Variants in PIK3R1 observed in about 807,000 individuals in gnomAD.
PIK3R1 encodes the protein phosphatidylinositol 3-kinase regulatory subunit alpha.
In PIK3R1, 29 loss-of-function variants were observed where a neutral mutation model predicts 98.0. The observed-to-expected ratio is 0.30, with a 90% confidence interval of 0.22 to 0.40. The LOEUF is 0.40. PIK3R1 is among the 10% of genes least tolerant of loss of function. The pLI, the probability that PIK3R1 is intolerant of heterozygous loss-of-function variation, is 1.00. For synonymous variants in PIK3R1, 282 were observed against 311.8 expected (o/e 0.90, Z 1.01); for missense variants, 596 against 872.7 (o/e 0.68, Z 3.99).
chr5:68,277,864 C>T (rs1484745892), intron 4 of PIK3R1, among the ~76,000 whole-genome samples: 1 of 152,176 alleles, frequency 6.6e-6, no homozygotes, highest in African/African-American at 2.4e-5. Context: ...TCTAGCAGCA[C>T]TCCCTTCCAA....
chr5:68,259,925 CAGCTATATG>C (rs1239377814), intron 2 of PIK3R1, among the ~76,000 whole-genome samples: 7 of 152,176 alleles, frequency 4.6e-5, no homozygotes, highest in Non-Finnish European at 1.0e-4. Context: ...CTGACTAGTA[CAGCTATATG>C]AGCCTGGACA....
At chr5:68,223,162 C>T (rs1431318219) in intron 1 of PIK3R1, among the ~76,000 whole-genome samples, 2 of 150,716 alleles carry the variant, frequency 1.3e-5, no homozygotes, top group Admixed American at 6.6e-5. Flanking sequence ...TCATCATCAT[C>T]ATCATCACCC....
At chr5:68,220,389 A>G (rs1744052616) in intron 1 of PIK3R1, among the ~76,000 whole-genome samples, 1 of 152,142 alleles carries the variant, frequency 6.6e-6, no homozygotes, top group African/African-American at 2.4e-5. Flanking sequence ...GAGAACCGGA[A>G]TGGTCAGCCT....
At chr5:68,243,907 CTT>C (rs559241190) in intron 2 of PIK3R1, among the ~76,000 whole-genome samples, 7 of 152,228 alleles carry the variant, frequency 4.6e-5, no homozygotes, top group Non-Finnish European at 8.8e-5. Flanking sequence ...TCTCTTCACT[CTT>C]GTTTACTTCC....
intron 2 of PIK3R1, among the ~76,000 whole-genome samples, chr5:68,260,883 A>G (rs1274847716): frequency 6.6e-6 from 1 of 152,246 alleles, no homozygotes; most frequent in African/African-American, 2.4e-5. Flanking sequence ...ATCCACATAC[A>G]GAAGTCACAG....
intron 4 of PIK3R1, among the ~76,000 whole-genome samples, chr5:68,275,470 G>A (rs551170865): frequency 6.6e-6 from 1 of 151,802 alleles, no homozygotes; most frequent in African/African-American, 2.4e-5. Context: ...TTGAGAAATA[G>A]TGGTTAGGTT....
intron 2 of PIK3R1, among the ~76,000 whole-genome samples, chr5:68,244,525 C>CCCG (rs1554046337): frequency 2.7e-5 from 1 of 37,354 alleles, no homozygotes; most frequent in Non-Finnish European, 5.4e-5. Context: ...GCCCCCCCGC[C>CCCG]CCCCGCCGCC....
At chr5:68,256,759 C>G (rs1479421604) in intron 2 of PIK3R1, among the ~76,000 whole-genome samples, 4 of 150,548 alleles carry the variant, frequency 2.7e-5, no homozygotes, top group African/African-American at 9.8e-5. Context: ...TAATGCCAAG[C>G]TGGGTTAAAA....
At chr5:68,254,532 CA>C (rs1745437858) in intron 2 of PIK3R1, among the ~76,000 whole-genome samples, 1 of 152,158 alleles carries the variant, frequency 6.6e-6, no homozygotes, top group Admixed American at 6.5e-5. Flanking sequence ...GGTATCTTTA[CA>C]AAGACTTTAT....
chr5:68,237,217 T>A (rs1561263716), intron 2 of PIK3R1, among the ~76,000 whole-genome samples: 1 of 152,192 alleles, frequency 6.6e-6, no homozygotes, highest in Non-Finnish European at 1.5e-5. Flanking sequence ...AGCAGCTGCT[T>A]GAAGTCCATA....
intron 4 of PIK3R1, among the ~76,000 whole-genome samples, 172 bp downstream of exon 4, chr5:68,274,185 G>A (rs539384923): frequency 6.6e-6 from 1 of 152,166 alleles, no homozygotes; most frequent in Non-Finnish European, 1.5e-5. Context: ...GCAAACCTTT[G>A]AAATTTTTCT....
chr5:68,282,496 A>G (rs1484112324), intron 7 of PIK3R1, among the ~76,000 whole-genome samples: 3 of 152,192 alleles, frequency 2.0e-5, no homozygotes, highest in Non-Finnish European at 2.9e-5. Flanking sequence ...AGGGTTTGAC[A>G]GATACCCACA....
chr5:68,217,645 T>TGCGCGCGCGCGC (rs1224108539), intron 1 of PIK3R1: 4 of 135,430 alleles, frequency 3.0e-5, no homozygotes, highest in Non-Finnish European at 6.4e-5. Context: ...TGTGTGTGTG[T>TGCGCGCGCGCGC]GTGTGTGTGC....
At chr5:68,274,131 A>G in intron 4 of PIK3R1, 118 bp downstream of exon 4, 1 of 810,930 alleles carries the variant, frequency 1.2e-6, no homozygotes, top group Non-Finnish European at 2.1e-6. Context: ...TTTAAAGGGA[A>G]CTCAAATCAT....
At chr5:68,246,738 C>G (rs925029872) in intron 2 of PIK3R1, among the ~76,000 whole-genome samples, 1 of 152,262 alleles carries the variant, frequency 6.6e-6, no homozygotes, top group Non-Finnish European at 1.5e-5. Context: ...ATTCTCCTGC[C>G]TCAGCCTCCC....
At chr5:68,272,701 T>C (rs10065413) in intron 2 of PIK3R1, among the ~76,000 whole-genome samples, 50,506 of 152,014 alleles carry the variant, frequency 0.33, 9,978 homozygotes, top group African/African-American at 0.56. Context: ...AAACTACTAA[T>C]TGACCAAAAA....
At chr5:68,274,224 C>T (rs886976485) in intron 4 of PIK3R1, among the ~76,000 whole-genome samples, 1 of 152,172 alleles carries the variant, frequency 6.6e-6, no homozygotes, top group Non-Finnish European at 1.5e-5. Flanking sequence ...TGTGTGCACG[C>T]CTCCCTGCAG....
intron 2 of PIK3R1, among the ~76,000 whole-genome samples, chr5:68,259,827 C>T (rs1014037995): frequency 3.9e-5 from 6 of 152,128 alleles, no homozygotes; most frequent in African/African-American, 1.4e-4. Flanking sequence ...CATGGGATGA[C>T]ACTCAGTTAG....
At chr5:68,267,143 T>A (rs1195090391) in intron 2 of PIK3R1, among the ~76,000 whole-genome samples, 1 of 152,194 alleles carries the variant, frequency 6.6e-6, no homozygotes, top group Non-Finnish European at 1.5e-5. Context: ...GCTATTTTAA[T>A]TTGCTGTACA....
Sources: allele counts gnomAD v4.1 joint callset (sites outside exome capture counted in the v4.1 genomes callset), GRCh38; gene constraint gnomAD v4.1.1; transcripts MANE v1.5; gene names NCBI Gene and HGNC (gene_info 2026-07-23, HGNC 2026-07-21).